Variants in DNAAF6 observed in about 807,000 individuals in gnomAD.
DNAAF6 encodes PIH1 domain containing 3.
DNAAF6 carries 3 observed loss-of-function variants against 13.7 expected under a neutral mutation model. That is an observed-to-expected ratio of 0.22 (90% confidence interval 0.10 to 0.56). The LOEUF is 0.56. Ranked by LOEUF, DNAAF6 falls within the 20% of genes least tolerant of loss-of-function variation. The pLI, the probability that DNAAF6 is intolerant of heterozygous loss-of-function variation, is 0.92. For synonymous variants in DNAAF6, 54 were observed against 49.2 expected (o/e 1.10, Z -0.41); for missense variants, 130 against 151.0 (o/e 0.86, Z 0.73).
intron 2 of DNAAF6, among the ~76,000 whole-genome samples, chrX:107,213,801 G>T (rs1171542722): frequency 3.6e-5 from 4 of 111,421 alleles, no homozygotes; most frequent in Admixed American, 2.9e-4. Flanking sequence ...AAAATTTGGG[G>T]CAAAAAATCC....
intron 6 of DNAAF6, among the ~76,000 whole-genome samples, 156 bp from the exon 7 acceptor site, chrX:107,243,013 A>G (rs1166261703): frequency 9.2e-6 from 1 of 108,935 alleles, no homozygotes; most frequent in African/African-American, 3.4e-5. Context: ...TGTTTGTGTT[A>G]TTTAGGCATA....
rs771229671 is a variant in DNAAF6 at position 107,232,930 on chromosome X, C to T, written c.430-5992C>T. ...GCTACTTTTGTATTTTTTGTAGAGACGGGGTTTCGCCATGTTGCCCAGGCT... is the reference window on the plus strand; with the variant it reads ...GCTACTTTTGTATTTTTTGTAGAGATGGGGTTTCGCCATGTTGCCCAGGCT... On this transcript the variant is annotated intron_variant, in intron 5 of 6. Coordinates refer to ENST00000372453, the MANE Select transcript of DNAAF6 (RefSeq NM_173494.2). 1.6e-4 allele frequency among the ~76,000 whole-genome samples: 18 copies of T among 110,184 alleles called. No individual in the cohort carries two copies. In the East Asian group the frequency reaches 1.7e-3, roughly 10 times the overall value.
intron 5 of DNAAF6, among the ~76,000 whole-genome samples, chrX:107,231,711 GA>G (rs1018873263): frequency 5.6e-5 from 6 of 107,807 alleles, no homozygotes; most frequent in Non-Finnish European, 7.7e-5. Flanking sequence ...GTAGGAAAAT[GA>G]AAAAAAAATT....
intron 5 of DNAAF6, among the ~76,000 whole-genome samples, chrX:107,234,296 G>A (rs936482842): frequency 1.3e-4 from 14 of 111,937 alleles, no homozygotes; most frequent in Non-Finnish European, 2.3e-4. Context: ...ATCCTTCAGA[G>A]GTAAATATTT....
At chrX:107,234,047 G>A (rs1928467409) in intron 5 of DNAAF6, among the ~76,000 whole-genome samples, 1 of 111,396 alleles carries the variant, frequency 9.0e-6, no homozygotes, top group African/African-American at 3.3e-5. Flanking sequence ...TTGGGGGAGA[G>A]GGTGAGTGCC....
At chrX:107,230,508 C>G (rs755751390) in intron 5 of DNAAF6, among the ~76,000 whole-genome samples, 61 of 111,427 alleles carry the variant, frequency 5.5e-4, no homozygotes, top group African/African-American at 2.0e-3. Flanking sequence ...CATGGCGAAA[C>G]CCTGTTTCTA....
chrX:107,234,749 A>G (rs1382561080), intron 5 of DNAAF6, among the ~76,000 whole-genome samples: 3 of 111,894 alleles, frequency 2.7e-5, no homozygotes, highest in Admixed American at 1.9e-4. Context: ...TATATTTTTT[A>G]CTTATTCTTA....
At chrX:107,227,207 T>C (rs1288148830) in intron 5 of DNAAF6, among the ~76,000 whole-genome samples, 1 of 111,066 alleles carries the variant, frequency 9.0e-6, no homozygotes, top group East Asian at 2.8e-4. Flanking sequence ...TTCTCCTGAT[T>C]CAGCCTCCCG....
rs764474242 is a variant in DNAAF6 at position 107,233,155 on chromosome X, C to A, written c.430-5767C>A. Among the ~76,000 whole-genome samples, 6 of 111,230 alleles carry A rather than the reference C, an allele frequency of 5.4e-5. No individual in the cohort carries two copies. The South Asian group carries it at 1.9e-3, about 35-fold the overall frequency. On this transcript the variant is annotated intron_variant, in intron 5 of 6. Transcript: ENST00000372453. Reference sequence around the variant, plus strand: ...TCTTAGAGAAATCAGGGGAAGTGTCCCAGGAATTAGTAAACGATTCCAGCA... The same window carrying A: ...TCTTAGAGAAATCAGGGGAAGTGTCACAGGAATTAGTAAACGATTCCAGCA...
chrX:107,212,166 C>T (rs4826953), intron 1 of DNAAF6, among the ~76,000 whole-genome samples: 40,556 of 110,326 alleles, frequency 0.37, 8,021 homozygotes, highest in African/African-American at 0.76. Flanking sequence ...GGTAGGGATT[C>T]AGAATTAATC....
chrX:107,211,592 A>G (rs574949098), intron 1 of DNAAF6, among the ~76,000 whole-genome samples: 8 of 112,284 alleles, frequency 7.1e-5, no homozygotes, highest in African/African-American at 2.6e-4. Context: ...AAACAAGTGT[A>G]CACGTTCCAA....
chrX:107,220,694 C>T (rs1409948016), intron 4 of DNAAF6, among the ~76,000 whole-genome samples: 4 of 111,361 alleles, frequency 3.6e-5, no homozygotes, highest in Non-Finnish European at 7.5e-5. Flanking sequence ...AGGCACTGGC[C>T]TTGGGGAGAA....
intron 2 of DNAAF6, among the ~76,000 whole-genome samples, chrX:107,216,335 C>T (rs1319512441): frequency 8.9e-6 from 1 of 111,740 alleles, no homozygotes; most frequent in South Asian, 3.7e-4. Flanking sequence ...TGCCTTTATA[C>T]TAATACTTGG....
intron 4 of DNAAF6, among the ~76,000 whole-genome samples, chrX:107,220,894 T>C (rs976885119): frequency 4.1e-5 from 4 of 98,518 alleles, no homozygotes; most frequent in Non-Finnish European, 8.2e-5. Context: ...TTGTTTTCTT[T>C]CTTTCTCCCT....
At chrX:107,241,578 A>C (rs1452522558) in intron 6 of DNAAF6, among the ~76,000 whole-genome samples, 2 of 112,150 alleles carry the variant, frequency 1.8e-5, no homozygotes, top group African/African-American at 6.5e-5. Flanking sequence ...CCAAGATAAG[A>C]TACATTAATG....
intron 5 of DNAAF6, among the ~76,000 whole-genome samples, chrX:107,229,751 G>A (rs1352659234): frequency 1.8e-5 from 2 of 110,943 alleles, no homozygotes; most frequent in Middle Eastern, 4.3e-3. Flanking sequence ...GCAGTAGCGC[G>A]GTCTTGGCTC....
At chrX:107,230,574 T>C (rs994804507) in intron 5 of DNAAF6, among the ~76,000 whole-genome samples, 3 of 111,858 alleles carry the variant, frequency 2.7e-5, no homozygotes, top group African/African-American at 9.8e-5. Context: ...TCCCAGCTAC[T>C]TGGGAGGCTG....
chrX:107,214,048 T>C (rs1044141109), intron 2 of DNAAF6, among the ~76,000 whole-genome samples: 12 of 111,370 alleles, frequency 1.1e-4, no homozygotes, highest in African/African-American at 3.9e-4. Context: ...TTAGGTGGAA[T>C]AGGGCAGAAT....
chrX:107,219,107 G>A (rs1928063968), intron 4 of DNAAF6, 138 bp downstream of exon 4: 1 of 794,844 alleles, frequency 1.3e-6, no homozygotes, highest in Non-Finnish European at 1.7e-6. Context: ...GAAGGCATGT[G>A]TAATTGATTA....
Sources: gnomAD v4.1 joint callset for allele counts (sites outside exome capture counted in the v4.1 genomes callset) on GRCh38, gnomAD v4.1.1 for gene constraint, MANE v1.5 for transcripts, NCBI Gene and HGNC (gene_info 2026-07-23, HGNC 2026-07-21) for gene names.